The following GRIK1 variants were observed in gnomAD, a reference collection of about 807,000 sequenced individuals.
GRIK1 encodes the protein glutamate receptor ionotropic, kainate 1.
In GRIK1, 69 loss-of-function variants were observed where a neutral mutation model predicts 105.7. That is an observed-to-expected ratio of 0.65 (90% CI 0.54 to 0.80). The LOEUF (loss-of-function observed/expected upper bound fraction) is 0.80, where lower values mean the gene tolerates loss of function less well. GRIK1 is among the 30% of genes least tolerant of loss of function. The pLI, the probability that GRIK1 is intolerant of heterozygous loss-of-function variation, is 0.00. For synonymous variants in GRIK1, 438 were observed against 431.3 expected (o/e 1.02, Z -0.19); for missense variants, 1,109 against 1,167.3 (o/e 0.95, Z 0.73).
At chr21:29,707,558 C>G (rs997769757) in intron 1 of GRIK1, among the ~76,000 whole-genome samples, 5 of 151,004 alleles carry the variant, frequency 3.3e-5, no homozygotes, top group African/African-American at 7.3e-5. Context: ...TGCAATGGCA[C>G]TACCTCAGCT....
chr21:29,599,023 T>C (rs1601225737), intron 7 of GRIK1, 86 bp from the exon 8 acceptor site: 6 of 655,372 alleles, frequency 9.2e-6, no homozygotes, highest in East Asian at 8.1e-5. Flanking sequence ...CTCAAATTCA[T>C]CACAGTATCC....
chr21:29,717,584 C>T (rs2064210012), intron 1 of GRIK1, among the ~76,000 whole-genome samples: 1 of 152,210 alleles, frequency 6.6e-6, no homozygotes, highest in African/African-American at 2.4e-5. Flanking sequence ...GGGCCTGTGG[C>T]CCCTTTGTTT....
At chr21:29,837,050 T>C (rs1424002263) in intron 1 of GRIK1, among the ~76,000 whole-genome samples, 1 of 152,218 alleles carries the variant, frequency 6.6e-6, no homozygotes, top group South Asian at 2.1e-4. Flanking sequence ...TACACCCTGA[T>C]GCAGTCTTCA....
At chr21:29,826,024 G>C (rs558898150) in intron 1 of GRIK1, among the ~76,000 whole-genome samples, 7 of 152,220 alleles carry the variant, frequency 4.6e-5, no homozygotes, top group Non-Finnish European at 8.8e-5. Context: ...TCCAAAGGAA[G>C]GTAGTGACAT....
chr21:29,613,207 A>G (rs573406381), intron 7 of GRIK1, among the ~76,000 whole-genome samples: 1 of 151,978 alleles, frequency 6.6e-6, no homozygotes, highest in South Asian at 2.1e-4. Context: ...GATCTCCTCA[A>G]CTCCCTTACA....
intron 3 of GRIK1, among the ~76,000 whole-genome samples, chr21:29,678,520 A>G (rs771541158): frequency 1.3e-5 from 2 of 152,206 alleles, no homozygotes; most frequent in African/African-American, 2.4e-5. Flanking sequence ...AGTAGCTAAA[A>G]AGAATATGCC....
At chr21:29,657,674 GGTGAA>G (rs1568941537) in intron 4 of GRIK1, 1 of 152,178 alleles carries the variant, frequency 6.6e-6, no homozygotes, top group African/African-American at 2.4e-5. Flanking sequence ...CACTCACCCA[GGTGAA>G]TGAAAAACAT....
intron 3 of GRIK1, among the ~76,000 whole-genome samples, chr21:29,683,084 C>T (rs1372386589): frequency 6.6e-6 from 1 of 152,194 alleles, no homozygotes; most frequent in African/African-American, 2.4e-5. Flanking sequence ...TACAAGACAC[C>T]ATCTCACACC....
intron 1 of GRIK1, among the ~76,000 whole-genome samples, chr21:29,833,254 T>C (rs2067692123): frequency 6.6e-6 from 1 of 152,186 alleles, no homozygotes. Flanking sequence ...AGTTCCAAAC[T>C]TTCCCTCATA....
chr21:29,883,046 T>C (rs1347689065), intron 1 of GRIK1, among the ~76,000 whole-genome samples: 1 of 152,118 alleles, frequency 6.6e-6, no homozygotes, highest in African/African-American at 2.4e-5. Context: ...TCTGTGTTCA[T>C]GGAATCGTGG....
chr21:29,896,604 T>C (rs990392176), intron 1 of GRIK1, among the ~76,000 whole-genome samples: 2 of 152,212 alleles, frequency 1.3e-5, no homozygotes, highest in African/African-American at 4.8e-5. Context: ...ATCTGTCACA[T>C]AGTAGCTGTT....
chr21:29,687,602 T>C (rs1199091191), intron 3 of GRIK1, among the ~76,000 whole-genome samples: 1 of 152,232 alleles, frequency 6.6e-6, no homozygotes, highest in African/African-American at 2.4e-5. Flanking sequence ...CAAGTATCTA[T>C]TGAGTCACTG....
chr21:29,938,761 C>T (rs1445042869), intron 1 of GRIK1, among the ~76,000 whole-genome samples: 1 of 152,190 alleles, frequency 6.6e-6, no homozygotes, highest in African/African-American at 2.4e-5. Context: ...CCGTCCTTCT[C>T]ACTCTTCGAA....
At chr21:29,853,496 G>A (rs1010892040) in intron 1 of GRIK1, among the ~76,000 whole-genome samples, 1 of 152,198 alleles carries the variant, frequency 6.6e-6, no homozygotes, top group African/African-American at 2.4e-5. Flanking sequence ...TCTCTTGGGG[G>A]CAAAATTGCC....
At chr21:29,740,123 A>G (rs765449166) in intron 1 of GRIK1, among the ~76,000 whole-genome samples, 1 of 152,212 alleles carries the variant, frequency 6.6e-6, no homozygotes, top group African/African-American at 2.4e-5. Context: ...ATCAAGCAAC[A>G]TAAACCAACG....
intron 16 of GRIK1, among the ~76,000 whole-genome samples, chr21:29,552,487 T>C (rs1166315008): frequency 6.6e-6 from 1 of 152,138 alleles, no homozygotes; most frequent in Non-Finnish European, 1.5e-5. Flanking sequence ...ATGGACATTC[T>C]TTCCTTTATT....
At chr21:29,855,105 T>C (rs1467863619) in intron 1 of GRIK1, among the ~76,000 whole-genome samples, 2 of 152,218 alleles carry the variant, frequency 1.3e-5, no homozygotes, top group Admixed American at 6.5e-5. Flanking sequence ...TCTGACATCA[T>C]AGACAGTCAT....
At chr21:29,794,932 A>G (rs962873408) in intron 1 of GRIK1, among the ~76,000 whole-genome samples, 4 of 151,938 alleles carry the variant, frequency 2.6e-5, no homozygotes, top group Non-Finnish European at 5.9e-5. Context: ...TGCTGGTAAA[A>G]CAGATGTAAA....
At chr21:29,786,668 A>C (rs2066269009) in intron 1 of GRIK1, among the ~76,000 whole-genome samples, 1 of 152,188 alleles carries the variant, frequency 6.6e-6, no homozygotes, top group African/African-American at 2.4e-5. Flanking sequence ...TGAAACCAGA[A>C]AGTCTTGGGC....
Sources: gnomAD v4.1 joint callset for allele counts (sites outside exome capture counted in the v4.1 genomes callset) on GRCh38, gnomAD v4.1.1 for gene constraint, MANE v1.5 for transcripts, NCBI Gene and HGNC (gene_info 2026-07-23, HGNC 2026-07-21) for gene names.